The following LYPD6 variants were observed in gnomAD, a reference collection of about 807,000 sequenced individuals.
LYPD6 encodes the protein LY6/PLAUR domain containing 6, also known as ly6/PLAUR domain-containing protein 6.
LYPD6 carries 15 observed loss-of-function variants against 22.7 expected under a neutral mutation model. That is an observed-to-expected ratio of 0.66 (90% CI 0.44 to 1.02). The LOEUF (loss-of-function observed/expected upper bound fraction) is 1.02. Ranked by LOEUF, LYPD6 falls within the 50% of genes least tolerant of loss-of-function variation. The pLI, the probability that LYPD6 is intolerant of heterozygous loss-of-function variation, is 0.00. For missense variants in LYPD6, 189 were observed against 208.4 expected (o/e 0.91, Z 0.57); for synonymous variants, 72 against 77.5 (o/e 0.93, Z 0.37).
intron 1 of LYPD6, among the ~76,000 whole-genome samples, chr2:149,385,777 TTG>T (rs1325140105): frequency 8.5e-5 from 13 of 152,134 alleles, no homozygotes; most frequent in African/African-American, 3.1e-4. Context: ...ACATTTGTCT[TTG>T]TGTATACAGA....
the LYPD6 span, among the ~76,000 whole-genome samples, chr2:149,484,761 C>G: frequency 3.3e-5 from 5 of 151,986 alleles, no homozygotes; most frequent in Non-Finnish European, 7.4e-5. Context: ...AGAAGCACAC[C>G]TAAATCAAAC....
At chr2:149,354,522 A>C (rs1050800386) in intron 1 of LYPD6, among the ~76,000 whole-genome samples, 1 of 152,156 alleles carries the variant, frequency 6.6e-6, no homozygotes, top group Non-Finnish European at 1.5e-5. Context: ...AGCATTTTAA[A>C]AGGCAAACCA....
intron 1 of LYPD6, among the ~76,000 whole-genome samples, chr2:149,391,893 A>G (rs1208902167): frequency 6.6e-6 from 1 of 152,218 alleles, no homozygotes; most frequent in Non-Finnish European, 1.5e-5. Context: ...GGGCCCAGAA[A>G]CAAAGCAGGG....
Position 149,473,492 on chromosome 2 carries a change from A to C in LYPD6, c.*2642A>C, listed in dbSNP as rs1573838316. ...AATGGCTTAAGTGTAAAGAGCCATG[A>C]TGTGTATATTAAGCTATGTGCCACA... On this transcript the variant is annotated 3_prime_UTR_variant, in exon 5 of 5. Transcript: ENST00000334166. 6.6e-6 allele frequency: 1 copy of C among 152,628 alleles called. No homozygotes were observed. The highest frequency in any genetic ancestry group is 1.9e-4 in the East Asian group (1 of 5,202). The allele number at this position is 152,628 out of a possible 1,614,324, so 9.5% of individuals were successfully genotyped here. A position where few individuals can be genotyped will look rare whatever the true frequency, so the allele number is the denominator to read the frequency against.
chr2:149,433,877 G>A (rs532338228), intron 1 of LYPD6, among the ~76,000 whole-genome samples: 39 of 152,200 alleles, frequency 2.6e-4, no homozygotes, highest in African/African-American at 9.2e-4. Flanking sequence ...TTTTGGTATT[G>A]TCCTTTAATA....
intron 1 of LYPD6, among the ~76,000 whole-genome samples, chr2:149,431,436 A>C (rs1040995077): frequency 6.6e-6 from 1 of 152,238 alleles, no homozygotes; most frequent in African/African-American, 2.4e-5. Context: ...TATGAGGAAA[A>C]GATACATCCC....
chr2:149,408,885 C>T lies in LYPD6; in HGVS notation c.-71-28753C>T, dbSNP rs781471564. On this transcript the variant is annotated intron_variant, in intron 1 of 4. Transcript: ENST00000334166. ...TTGCCTCCTTGATTAGCTTAATAGT[C>T]GACTTTCTGAATTCTTTTTCTGGTA... 8.5e-5 allele frequency among the ~76,000 whole-genome samples: 13 copies of T among 152,226 alleles called. No homozygotes were observed. In the Middle Eastern group the frequency reaches 0.01, roughly 119 times the overall value.
chr2:149,360,851 T>G (rs564623931), intron 1 of LYPD6, among the ~76,000 whole-genome samples: 1 of 152,304 alleles, frequency 6.6e-6, no homozygotes, highest in East Asian at 1.9e-4. Context: ...TCTACTCCCT[T>G]TATCTGCCAG....
At chr2:149,428,083 A>G (rs903106842) in intron 1 of LYPD6, among the ~76,000 whole-genome samples, 1 of 152,218 alleles carries the variant, frequency 6.6e-6, no homozygotes, top group Non-Finnish European at 1.5e-5. Context: ...GTGTAGAATA[A>G]AGTATCAGTG....
intron 1 of LYPD6, among the ~76,000 whole-genome samples, chr2:149,350,406 TC>T (rs1329486034): frequency 6.6e-6 from 1 of 152,214 alleles, no homozygotes; most frequent in African/African-American, 2.4e-5. Context: ...GGTGTGACAT[TC>T]CATATGCCCA....
chr2:149,476,101 C>A (rs892072123), downstream of LYPD6, among the ~76,000 whole-genome samples: 1 of 152,198 alleles, frequency 6.6e-6, no homozygotes, highest in Non-Finnish European at 1.5e-5. Flanking sequence ...TGTCTCTGAG[C>A]ATGCCATATT....
At chr2:149,424,212 A>C (rs1252138001) in intron 1 of LYPD6, among the ~76,000 whole-genome samples, 3 of 152,206 alleles carry the variant, frequency 2.0e-5, no homozygotes, top group Non-Finnish European at 4.4e-5. Flanking sequence ...AATCGCTATC[A>C]GAGACCTCCT....
At chr2:149,443,930 CT>C (rs766245738) in intron 2 of LYPD6, among the ~76,000 whole-genome samples, 658 of 114,072 alleles carry the variant, frequency 5.8e-3, no homozygotes, top group African/African-American at 0.012. Flanking sequence ...ATGTGCATAT[CT>C]TTTTTTTTTT....
chr2:149,410,362 C>A lies in LYPD6; in HGVS notation c.-71-27276C>A, dbSNP rs140903904. ...ATTTGTATGTGTTTGTGATTTGTAT[C>A]TAGGTGCAGTTGTTAAATACATGAG... On this transcript the variant is annotated intron_variant, in intron 1 of 4. Transcript: ENST00000334166. Among the ~76,000 whole-genome samples, 1,124 of 152,064 alleles carry A rather than the reference C, an allele frequency of 7.4e-3. 14 individuals carry two copies. Among genetic ancestry groups the A allele is most frequent in the African/African-American group, 0.025 (1,047 of 41,494 alleles).
At chr2:149,335,210 TATC>T (rs1197735675) in intron 1 of LYPD6, among the ~76,000 whole-genome samples, 1 of 152,132 alleles carries the variant, frequency 6.6e-6, no homozygotes, top group Non-Finnish European at 1.5e-5. Flanking sequence ...AAAGCATTGT[TATC>T]ATAGGAGATG....
intron 1 of LYPD6, among the ~76,000 whole-genome samples, chr2:149,376,898 A>T (rs867017604): frequency 2.0e-5 from 3 of 152,260 alleles, no homozygotes; most frequent in African/African-American, 7.2e-5. Flanking sequence ...ATATGGAGCA[A>T]TCCAAAGCTC....
intron 1 of LYPD6, among the ~76,000 whole-genome samples, chr2:149,352,394 G>A (rs1000423932): frequency 4.6e-5 from 7 of 152,088 alleles, no homozygotes; most frequent in African/African-American, 1.4e-4. Flanking sequence ...TTTAGGAGAG[G>A]ACAGCATGTT....
chr2:149,421,389 C>CAA lies in LYPD6; in HGVS notation c.-71-16228_-71-16227dup, dbSNP rs771199025. Among the ~76,000 whole-genome samples the CAA allele has an allele frequency of 6.3e-3, 425 of 67,092 alleles. 6 individuals carry two copies. The highest frequency in any genetic ancestry group is 0.02 in the African/African-American group (369 of 18,786). 44.0% of individuals were successfully genotyped at this position (67,092 alleles called of 152,430 possible). ...TGGGTGACAGAGCAAGACTCCATCT[C>CAA]AAAAAAAAAAAAAAAAAAAAAAGTG... On this transcript the variant is annotated intron_variant, in intron 1 of 4. Coordinates refer to ENST00000334166, the MANE Select transcript of LYPD6 (RefSeq NM_194317.5).
chr2:149,449,462 G>A (rs1265431091), intron 3 of LYPD6, among the ~76,000 whole-genome samples: 1 of 152,208 alleles, frequency 6.6e-6, no homozygotes, highest in Non-Finnish European at 1.5e-5. Flanking sequence ...TGAGGCATTA[G>A]TCAGTGCATA....
Sources: gnomAD v4.1 joint callset for allele counts (sites outside exome capture counted in the v4.1 genomes callset) on GRCh38, gnomAD v4.1.1 for gene constraint, MANE v1.5 for transcripts, NCBI Gene and HGNC (gene_info 2026-07-23, HGNC 2026-07-21) for gene names.